Variants in DNAH17 observed in about 807,000 individuals in gnomAD.
The protein encoded by DNAH17 is dynein axonemal heavy chain 17.
DNAH17 carries 376 observed loss-of-function variants against 485.6 expected under a neutral mutation model. The observed-to-expected ratio is 0.77, with a 90% CI of 0.71 to 0.84. DNAH17 has a LOEUF of 0.84. Among genes scored for constraint, DNAH17 ranks in the 40% least tolerant of loss-of-function variants. The pLI, the probability that DNAH17 is intolerant of heterozygous loss-of-function variation, is 0.00. For missense variants in DNAH17, 6,370 were observed against 5,839.3 expected, an observed-to-expected ratio of 1.09 and a Z score of -2.96; for synonymous variants, 3,031 against 2,405.9, an observed-to-expected ratio of 1.26 and a Z score of -7.60.
intron 69 of DNAH17, among the ~76,000 whole-genome samples, chr17:78,447,140 G>A (rs1027596944): frequency 1.3e-5 from 2 of 151,884 alleles, no homozygotes; most frequent in African/African-American, 4.8e-5. Flanking sequence ...TATATTGACT[G>A]GGCTAGTCTC....
At chr17:78,432,804 C>T (rs2086721929) in intron 75 of DNAH17, among the ~76,000 whole-genome samples, 1 of 152,036 alleles carries the variant, frequency 6.6e-6, no homozygotes, top group African/African-American at 2.4e-5. Flanking sequence ...CATTGAACCC[C>T]CAGGCCCTGA....
At chr17:78,437,392 A>G (rs1285171883) in intron 74 of DNAH17, among the ~76,000 whole-genome samples, 2 of 152,008 alleles carry the variant, frequency 1.3e-5, no homozygotes, top group South Asian at 4.1e-4. Context: ...AGAACTGATT[A>G]AAAACTATGT....
At chr17:78,436,429 C>CA (rs1412660481) in intron 74 of DNAH17, among the ~76,000 whole-genome samples, 5 of 150,950 alleles carry the variant, frequency 3.3e-5, no homozygotes, top group Non-Finnish European at 1.5e-5. Context: ...ACTCCATCTC[C>CA]AAAAAAATAG....
intron 20 of DNAH17, among the ~76,000 whole-genome samples, chr17:78,531,286 T>C (rs2091229649): frequency 6.6e-6 from 1 of 152,104 alleles, no homozygotes; most frequent in Admixed American, 6.6e-5. Flanking sequence ...CTTTTGTCAT[T>C]ACATAGTGAC....
At chr17:78,481,107 C>CTTTT (rs34712569) in intron 48 of DNAH17, among the ~76,000 whole-genome samples, 1 of 129,390 alleles carries the variant, frequency 7.7e-6, no homozygotes. Flanking sequence ...CATCCCCCGG[C>CTTTT]TTTTTTTTTT....
At chr17:78,559,711 G>A (rs1421708790) in intron 13 of DNAH17, among the ~76,000 whole-genome samples, 1 of 152,088 alleles carries the variant, frequency 6.6e-6, no homozygotes, top group Non-Finnish European at 1.5e-5. Context: ...CACCCTGCAG[G>A]GGCTGCCATC....
At position 78,478,712 on chromosome 17, in the gene DNAH17, A is replaced by C. The variant is rs543607531; in HGVS notation, c.7992+313T>G. 1.1e-4 allele frequency among the ~76,000 whole-genome samples: 15 copies of C among 139,734 alleles called. No homozygotes were observed. The South Asian group carries it at 3.2e-3, about 30-fold the overall frequency. 91.7% of individuals were successfully genotyped at this position (139,734 alleles called of 152,430 possible). Reference sequence around the variant, plus strand: ...AATTATTACCATCATTACCATCACCACCACTATTGCCATCATCACCACCAT... The same window carrying C: ...AATTATTACCATCATTACCATCACCCCCACTATTGCCATCATCACCACCAT... On this transcript the variant is annotated intron_variant, in intron 51 of 80. Transcript: ENST00000389840.
Position 78,466,661 on chromosome 17 carries a change from C to G in DNAH17, c.8934G>C (p.Gly2978=). 1.2e-6 allele frequency: 2 copies of G among 1,608,118 alleles called. No individual in the cohort carries two copies. The highest frequency in any genetic ancestry group is 2.2e-5 in the East Asian group (1 of 44,676). ...GGTGGCCTCAGTGACTCACCGGAATCCCCTCAGTCTCCTCCAGGAAGCGGG... is the reference window on the plus strand; with the variant it reads ...GGTGGCCTCAGTGACTCACCGGAATGCCCTCAGTCTCCTCCAGGAAGCGGG... ...VSARFLEETE[G]IPWEVKASIS... The change falls in exon 56 of 81, where the codon GGG becomes GGC. Residue 2978 remains glycine, a synonymous_variant. Transcript: ENST00000389840.
chr17:78,426,417 C>G (rs772728139), intron 79 of DNAH17, 40 bp downstream of exon 79: 4 of 1,547,424 alleles, frequency 2.6e-6, no homozygotes, highest in Non-Finnish European at 3.5e-6. Context: ...GCACTCGGTC[C>G]CCGAGTCTTA....
rs1381501493 is a variant in DNAH17, at chr17:78,572,691, G to A, written c.539+10C>T. 1.3e-6 allele frequency: 2 copies of A among 1,594,248 alleles called. No individual in the cohort carries two copies. Among genetic ancestry groups the A allele is most frequent in the Non-Finnish European group, 1.7e-6 (2 of 1,170,858 alleles). On this transcript the variant is annotated intron_variant, in intron 3 of 80. Transcript: ENST00000389840. ...CCCAGCGGCAGCCGGAAGCAGCTGG[G>A]CCCACACACCTCTCCATGGACTCCA...
chr17:78,560,752 G>A lies in DNAH17; in HGVS notation c.2019C>T (p.Asn673=). The A allele has an allele frequency of 6.4e-7, 1 of 1,550,824 alleles. No homozygotes were observed. The highest frequency in any genetic ancestry group is 8.7e-7 in the Non-Finnish European group (1 of 1,146,292). The part of the protein sequence containing the change: ...RDAASNLIHV[N]FSKALVAVLR... The stretch of plus-strand genomic sequence containing the variant: ...TCCTGGCACCCACCGCTTTGCTGAA[G>A]TTGACGTGGATGAGGTTGCTAGCGG... Residue 673 remains asparagine, a synonymous_variant, in exon 13 of 81, where the codon AAC becomes AAT. Coordinates refer to ENST00000389840, the MANE Select transcript of DNAH17 (RefSeq NM_173628.4).
chr17:78,455,365 G>A (rs950949819), intron 63 of DNAH17, among the ~76,000 whole-genome samples: 79 of 151,094 alleles, frequency 5.2e-4, no homozygotes, highest in African/African-American at 1.8e-3. Context: ...TCGCTGTGTC[G>A]TCCAGGTTGG....
At chr17:78,535,451 C>G (rs1027557830) in intron 19 of DNAH17, among the ~76,000 whole-genome samples, 2 of 152,154 alleles carry the variant, frequency 1.3e-5, no homozygotes, top group Admixed American at 1.3e-4. Flanking sequence ...CCCTCGTGTC[C>G]TCATGTCACC....
intron 59 of DNAH17, 37 bp downstream of exon 59, chr17:78,460,125 C>A: frequency 6.3e-7 from 1 of 1,581,566 alleles, no homozygotes; most frequent in Admixed American, 1.8e-5. Context: ...CCTCTCCAAC[C>A]AGGCCAGGGG....
At chr17:78,528,665 G>A (rs986015682) in intron 22 of DNAH17, among the ~76,000 whole-genome samples, 13 of 152,122 alleles carry the variant, frequency 8.5e-5, no homozygotes, top group Middle Eastern at 3.4e-3. Context: ...GGGTCTCCTC[G>A]GTGGCCACAC....
chr17:78,484,792 CTT>C (rs902310239), intron 48 of DNAH17, 74 bp downstream of exon 48: 2 of 1,182,210 alleles, frequency 1.7e-6, no homozygotes, highest in Non-Finnish European at 2.2e-6. Context: ...GGCTCCGCCT[CTT>C]CCTGCGCCCC....
chr17:78,444,583 C>G, intron 71 of DNAH17, 21 bp downstream of exon 71: 1 of 1,533,590 alleles, frequency 6.5e-7, no homozygotes. Flanking sequence ...GGCGGGGCCC[C>G]CGGCGCGGCG....
intron 1 of DNAH17, among the ~76,000 whole-genome samples, chr17:78,576,193 T>C (rs2092430165): frequency 1.3e-5 from 2 of 152,176 alleles, no homozygotes; most frequent in Non-Finnish European, 2.9e-5. Context: ...AGCTATTGCT[T>C]TTAAGTTTGT....
At chr17:78,448,084 ACTGCTTGAAC>A (rs1279458075) in intron 69 of DNAH17, among the ~76,000 whole-genome samples, 1 of 152,022 alleles carries the variant, frequency 6.6e-6, no homozygotes, top group African/African-American at 2.4e-5. Flanking sequence ...AGGTAGGGGA[ACTGCTTGAAC>A]CCGGGAGGTG....
Sources: allele counts gnomAD v4.1 joint callset (sites outside exome capture counted in the v4.1 genomes callset), GRCh38; gene constraint gnomAD v4.1.1; transcripts MANE v1.5; gene names NCBI Gene and HGNC (gene_info 2026-07-23, HGNC 2026-07-21).